Variants in KIF1A observed in about 807,000 individuals in gnomAD.
The protein encoded by KIF1A is kinesin-like protein KIF1A.
In KIF1A, 46 loss-of-function variants were observed where a neutral mutation model predicts 227.3. The observed-to-expected ratio is 0.20, with a 90% CI of 0.16 to 0.26. The LOEUF is 0.26. KIF1A is among the 10% of genes least tolerant of loss of function. The pLI, the probability that KIF1A is intolerant of heterozygous loss-of-function variation, is 1.00. For missense variants in KIF1A, 1,683 were observed against 2,485.9 expected, an observed-to-expected ratio of 0.68 and a Z score of 6.87; for synonymous variants, 1,022 against 1,012.8, an observed-to-expected ratio of 1.01 and a Z score of -0.17.
At chr2:240,812,994 G>GGGATCAGCCTTCACCTCAA (rs2058049499) in intron 1 of KIF1A, among the ~76,000 whole-genome samples, 5 of 118,334 alleles carry the variant, frequency 4.2e-5, no homozygotes, top group African/African-American at 6.2e-5. Flanking sequence ...CTTCACCTCG[G>GGGATCAGCCTTCACCTCAA]GGATCCGCCT....
chr2:240,757,525 G>A lies in KIF1A; in HGVS notation c.2652C>T (p.Leu884=), dbSNP rs1575582109. The A allele has an allele frequency of 1.3e-6, 2 of 1,550,598 alleles. No individual in the cohort carries two copies. The highest frequency in any genetic ancestry group is 1.2e-5 in the South Asian group (1 of 84,054). Residue 884 remains leucine (L), a synonymous_variant, in exon 27 of 49, where the codon CTC becomes CTT. Coordinates refer to ENST00000498729, the MANE Select transcript of KIF1A (RefSeq NM_001244008.2). This position sits in a 1 kb window ranked among gnomAD's most constrained non-coding sequence, Gnocchi z 6.2. The stretch of plus-strand genomic sequence containing the variant: ...GGCTCGAGAAGGTGGGGGAGGGGGT[G>A]AGAGCAGCCATGCGCTCGCTCATGC... The part of the protein sequence containing the change: ...NTCMSERMAA[L]TPSPTFSSPD...
chr2:240,720,229 A>G (rs992897067), intron 45 of KIF1A: 12 of 285,054 alleles, frequency 4.2e-5, no homozygotes, highest in African/African-American at 2.4e-4. Context: ...CCCCACCTCC[A>G]CCCTGTGAAA....
chr2:240,786,041 A>G (rs1481102778), intron 6 of KIF1A, among the ~76,000 whole-genome samples: 1 of 152,018 alleles, frequency 6.6e-6, no homozygotes, highest in Non-Finnish European at 1.5e-5. Flanking sequence ...CAGCTGCCCC[A>G]TCGAAGCAGC....
intron 8 of KIF1A, 119 bp from the exon 9 acceptor site, chr2:240,783,228 G>T: frequency 3.7e-6 from 3 of 810,988 alleles, no homozygotes; most frequent in Non-Finnish European, 6.4e-6. Context: ...TGCAGCTGCT[G>T]ATCTCTGGGG....
intron 37 of KIF1A, among the ~76,000 whole-genome samples, chr2:240,738,903 G>T (rs2047651781): frequency 6.6e-6 from 1 of 152,228 alleles, no homozygotes; most frequent in Non-Finnish European, 1.5e-5. Flanking sequence ...GGGCAGTGCT[G>T]CCCCAGGGAT....
At chr2:240,745,975 G>C in intron 30 of KIF1A, 64 bp downstream of exon 30, 1 of 1,595,490 alleles carries the variant, frequency 6.3e-7, no homozygotes, top group African/African-American at 1.3e-5. Context: ...ACAGGCCTGG[G>C]CCGGGCTCAG....
rs370575976 is a variant in KIF1A at position 240,765,666 on chromosome 2, A to T, written c.1768+44T>A. 4 of 1,484,904 alleles carry T rather than the reference A, an allele frequency of 2.7e-6. No homozygotes were observed. In the African/African-American group the frequency reaches 4.2e-5, roughly 15 times the overall value. The allele number at this position is 1,484,904 out of a possible 1,614,324, so 92.0% of individuals were successfully genotyped here. On this transcript the variant is annotated intron_variant, in intron 20 of 48. Transcript: ENST00000498729. ...GACATGGGAACAGAGGCCTCGCCTC[A>T]TGCCTCTGCCTACCTGACTGGCCCC... is the stretch of plus-strand genomic sequence containing the variant.
At chr2:240,808,788 C>T (rs183152383) in intron 1 of KIF1A, among the ~76,000 whole-genome samples, 9 of 151,832 alleles carry the variant, frequency 5.9e-5, no homozygotes, top group Admixed American at 4.6e-4. Context: ...TGGAGTGCAA[C>T]GGTGCGATCT....
At chr2:240,802,500 C>T (rs1016285002) in intron 1 of KIF1A, among the ~76,000 whole-genome samples, 1 of 152,026 alleles carries the variant, frequency 6.6e-6, no homozygotes. Flanking sequence ...ATTGTCAGAC[C>T]AGATTTTTAT....
intron 47 of KIF1A, among the ~76,000 whole-genome samples, chr2:240,718,553 TCTC>T (rs1228867697): frequency 2.6e-5 from 4 of 152,132 alleles, no homozygotes; most frequent in African/African-American, 9.7e-5. Flanking sequence ...CAGAGAAACT[TCTC>T]CTCCAGCCAG....
chr2:240,741,215 C>T (rs756968718), intron 35 of KIF1A, 54 bp downstream of exon 35: 58 of 1,261,282 alleles, frequency 4.6e-5, no homozygotes, highest in African/African-American at 2.5e-4. Context: ...CGTCCCTCTC[C>T]GCGCACCCCC....
At position 240,747,232 on chromosome 2, in the gene KIF1A, G is replaced by A; in HGVS notation, c.3063+4C>T. On this transcript the variant is annotated splice_donor_region_variant and intron_variant, in intron 29 of 48. Transcript: ENST00000498729. ...GGTCTGGGACTCGGGAGGGAGCTTG[G>A]TACCTTTTCAAAATGCTGGTCATCA... 6.2e-7 allele frequency: 1 copy of A among 1,612,120 alleles called. No individual in the cohort carries two copies. Among genetic ancestry groups the A allele is most frequent in the Non-Finnish European group, 8.5e-7 (1 of 1,178,498 alleles).
At position 240,736,285 on chromosome 2, in the gene KIF1A, T is replaced by A. The variant is rs1026666768; in HGVS notation, c.4007+778A>T. On this transcript the variant is annotated intron_variant, in intron 38 of 48. Coordinates refer to ENST00000498729, the MANE Select transcript of KIF1A (RefSeq NM_001244008.2). The surrounding 1 kb of genome is among the most constrained non-coding windows in gnomAD (Gnocchi z 4.7). ...GGGTCCACTCTGGGCTTGTGCATCA[T>A]GAGCCAGGTCGAGCCCCCAGGGAGC... Among the ~76,000 whole-genome samples the A allele has an allele frequency of 6.6e-6, 1 of 152,078 alleles. No individual in the cohort carries two copies. The highest frequency in any genetic ancestry group is 1.5e-5 in the Non-Finnish European group (1 of 67,984).
rs533159208 is a variant in KIF1A, at chr2:240,743,925, C to A, written c.3584+17G>T. 2.6e-6 allele frequency: 4 copies of A among 1,568,406 alleles called. No individual in the cohort carries two copies. The highest frequency in any genetic ancestry group is 3.5e-6 in the Non-Finnish European group (4 of 1,139,474). On this transcript the variant is annotated intron_variant, in intron 33 of 48. Coordinates refer to ENST00000498729, the MANE Select transcript of KIF1A (RefSeq NM_001244008.2). ...TTGAGGACAGCAGCCCCGAACCCCC[C>A]GACCCAGGGCGCTAACCTGAGCACG... is the stretch of plus-strand genomic sequence containing the variant.
rs2048692957 is a variant in KIF1A at position 240,747,125 on chromosome 2, G to A, written c.3063+111C>T. ...TGGACCAGAGGGAAGAACCCCAAGA[G>A]GACTCAGGGCCCGTGGGATGGGACA... is the stretch of plus-strand genomic sequence containing the variant. On this transcript the variant is annotated intron_variant, in intron 29 of 48. Transcript: ENST00000498729. 5.7e-6 allele frequency: 4 copies of A among 703,230 alleles called. No homozygotes were observed. The Admixed American group carries it at 9.3e-5, about 16-fold the overall frequency. The allele number at this position is 703,230 out of a possible 1,614,324, so 43.6% of individuals were successfully genotyped here.
chr2:240,812,841 CG>C (rs2057994383), intron 1 of KIF1A, among the ~76,000 whole-genome samples: 2 of 149,724 alleles, frequency 1.3e-5, no homozygotes, highest in Admixed American at 6.7e-5. Context: ...GCCTTCACCT[CG>C]GGGATCTGCC....
chr2:240,768,088 T>G (rs1371320525), intron 17 of KIF1A, among the ~76,000 whole-genome samples: 6 of 152,168 alleles, frequency 3.9e-5, no homozygotes, highest in African/African-American at 1.2e-4. Flanking sequence ...CCCACTGGCC[T>G]GTGCACGTCT....
rs939213335 is a variant in KIF1A, at chr2:240,758,454, C to T, written c.2488G>A (p.Glu830Lys). 1.2e-6 allele frequency: 2 copies of T among 1,610,206 alleles called. No homozygotes were observed. Among genetic ancestry groups the T allele is most frequent in the Admixed American group, 1.7e-5 (1 of 59,612 alleles). The change falls in exon 26 of 49, where the codon GAG (glutamate) becomes AAG (lysine). Residue 830 changes from glutamate (E) to lysine (K), a missense_variant. Glu to Lys is a moderately conservative substitution (Grantham distance 56). Transcript: ENST00000498729. The surrounding 1 kb of genome is among the most constrained non-coding windows in gnomAD (Gnocchi z 5.2). ...LMREMYDRAA[E>K]VPSSVIEDCD... Reference sequence around the variant, plus strand: ...TCCTCGATGACACTGGAGGGCACCTCTGCAGCGCGGTCGTACATCTCCCGC... The same window carrying T: ...TCCTCGATGACACTGGAGGGCACCTTTGCAGCGCGGTCGTACATCTCCCGC...
At chr2:240,728,808 G>A (rs113607214) in intron 38 of KIF1A, among the ~76,000 whole-genome samples, 25 of 152,228 alleles carry the variant, frequency 1.6e-4, no homozygotes, top group African/African-American at 4.1e-4. Context: ...GCCTCAGACC[G>A]CTGGAATGCC....
Sources: allele counts gnomAD v4.1 joint callset (sites outside exome capture counted in the v4.1 genomes callset), GRCh38; gene constraint gnomAD v4.1.1; non-coding constraint Gnocchi (gnomAD v3.1); transcripts MANE v1.5; gene names NCBI Gene and HGNC (gene_info 2026-07-23, HGNC 2026-07-21).